The following MCPH1 variants were observed in gnomAD, a reference collection of about 807,000 sequenced individuals.
The protein encoded by MCPH1 is microcephalin.
In MCPH1, 104 loss-of-function variants were observed where a neutral mutation model predicts 84.5. The ratio of observed to expected loss-of-function variants is 1.23; its 90% CI spans 1.05 to 1.45. The LOEUF (loss-of-function observed/expected upper bound fraction) is 1.45, where lower values mean the gene tolerates loss of function less well. MCPH1 is among the 40% of genes most tolerant of loss of function. The pLI, the probability that MCPH1 is intolerant of heterozygous loss-of-function variation, is 0.00. For missense variants in MCPH1, 1,498 were observed against 1,005.7 expected, an observed-to-expected ratio of 1.49 and a Z score of -6.62; for synonymous variants, 514 against 366.8, an observed-to-expected ratio of 1.40 and a Z score of -4.58.
chr8:6,581,342 G>C (rs1827549834), intron 12 of MCPH1, among the ~76,000 whole-genome samples: 1 of 152,186 alleles, frequency 6.6e-6, no homozygotes, highest in Admixed American at 6.5e-5. Context: ...CATAAATGGG[G>C]ATGAATTTAC....
chr8:6,626,578 T>G (rs1832102928), intron 13 of MCPH1: 3 of 978,678 alleles, frequency 3.1e-6, no homozygotes, highest in Non-Finnish European at 3.6e-6. Flanking sequence ...CCCTAGGAAA[T>G]AAAATGTTAC....
At chr8:6,530,072 A>G (rs372489513) in intron 12 of MCPH1, among the ~76,000 whole-genome samples, 1 of 152,144 alleles carries the variant, frequency 6.6e-6, no homozygotes, top group South Asian at 2.1e-4. Context: ...TTAAAATATA[A>G]GAAATGTTGT....
intron 2 of MCPH1, among the ~76,000 whole-genome samples, 164 bp from the exon 3 acceptor site, chr8:6,414,601 G>T (rs1417439407): frequency 6.6e-6 from 1 of 152,180 alleles, no homozygotes; most frequent in Non-Finnish European, 1.5e-5. Context: ...ATTCACCGTT[G>T]TAACTGGAAC....
At chr8:6,503,800 G>A (rs2959793) in intron 12 of MCPH1, among the ~76,000 whole-genome samples, 49,943 of 152,080 alleles carry the variant, frequency 0.33, 8,559 homozygotes, top group Middle Eastern at 0.46. Context: ...GTGTGTGCTC[G>A]CTCAGCTAAA....
intron 12 of MCPH1, among the ~76,000 whole-genome samples, chr8:6,524,598 C>T (rs1479435276): frequency 1.3e-5 from 2 of 152,176 alleles, no homozygotes; most frequent in African/African-American, 2.4e-5. Context: ...TGAACACCTA[C>T]CATGTACGAG....
At chr8:6,609,149 T>C (rs1193505988) in intron 12 of MCPH1, among the ~76,000 whole-genome samples, 2 of 152,008 alleles carry the variant, frequency 1.3e-5, no homozygotes, top group African/African-American at 4.8e-5. Context: ...AATCAAAGTT[T>C]CTATAAGTTG....
chr8:6,414,922 T>C (rs749731200), intron 3 of MCPH1, 39 bp downstream of exon 3: 5 of 1,603,688 alleles, frequency 3.1e-6, no homozygotes, highest in Non-Finnish European at 3.4e-6. Context: ...CTTAAGTATC[T>C]AGTATTGAAA....
intron 13 of MCPH1, chr8:6,625,725 G>T: frequency 1.0e-6 from 1 of 976,296 alleles, no homozygotes; most frequent in Non-Finnish European, 1.2e-6. Context: ...TCAAGGCTGC[G>T]GTGAGCAACG....
intron 2 of MCPH1, among the ~76,000 whole-genome samples, chr8:6,413,588 G>A (rs1236959806): frequency 2.0e-5 from 3 of 151,556 alleles, no homozygotes; most frequent in African/African-American, 4.9e-5. Context: ...CCTGTTGTCC[G>A]TCTTCTGGTT....
intron 13 of MCPH1, among the ~76,000 whole-genome samples, chr8:6,632,331 G>A (rs549373903): frequency 6.6e-6 from 1 of 152,138 alleles, no homozygotes; most frequent in South Asian, 2.1e-4. Context: ...TAGCTAATAT[G>A]GTAAATTTTA....
intron 12 of MCPH1, among the ~76,000 whole-genome samples, chr8:6,504,024 T>C (rs564520573): frequency 6.6e-6 from 1 of 152,162 alleles, no homozygotes; most frequent in Admixed American, 6.5e-5. Context: ...TCTAGAAATA[T>C]TCTATAAGCA....
At chr8:6,603,648 C>G (rs1829539835) in intron 12 of MCPH1, among the ~76,000 whole-genome samples, 1 of 152,200 alleles carries the variant, frequency 6.6e-6, no homozygotes, top group Non-Finnish European at 1.5e-5. Context: ...TTCCTGCTTT[C>G]AGTAAGTTAC....
chr8:6,431,357 C>T, intron 3 of MCPH1, 142 bp from the exon 4 acceptor site: 9 of 645,830 alleles, frequency 1.4e-5, no homozygotes, highest in South Asian at 6.3e-5. Context: ...TTTGTATTTG[C>T]AGTTGTATTT....
chr8:6,601,650 C>G (rs796742647), intron 12 of MCPH1, among the ~76,000 whole-genome samples: 2 of 151,618 alleles, frequency 1.3e-5, no homozygotes, highest in African/African-American at 2.4e-5. Flanking sequence ...TACACATACA[C>G]ACAACACAGA....
chr8:6,531,775 C>T (rs904127567), intron 12 of MCPH1, among the ~76,000 whole-genome samples: 4 of 141,062 alleles, frequency 2.8e-5, no homozygotes, highest in African/African-American at 5.3e-5. Flanking sequence ...GGAGCCATGG[C>T]AGCGCTCAGG....
chr8:6,416,441 T>A (rs1799315850), intron 3 of MCPH1, among the ~76,000 whole-genome samples: 1 of 152,224 alleles, frequency 6.6e-6, no homozygotes, highest in South Asian at 2.1e-4. Context: ...ATGGTAACTG[T>A]GGTTTGTGTA....
At chr8:6,554,744 G>C (rs2515499) in intron 12 of MCPH1, among the ~76,000 whole-genome samples, 15,081 of 152,202 alleles carry the variant, frequency 0.099, 1,002 homozygotes, top group Non-Finnish European at 0.15. Context: ...ACCATCAGAG[G>C]AGCCCTCGGA....
chr8:6,439,662 G>T (rs1803220460), intron 6 of MCPH1, among the ~76,000 whole-genome samples: 1 of 152,074 alleles, frequency 6.6e-6, no homozygotes, highest in Non-Finnish European at 1.5e-5. Flanking sequence ...CTCCCAAACG[G>T]CTGGGACTGT....
At chr8:6,463,722 C>A (rs1170089117) in intron 9 of MCPH1, among the ~76,000 whole-genome samples, 5 of 152,106 alleles carry the variant, frequency 3.3e-5, no homozygotes, top group Non-Finnish European at 7.4e-5. Flanking sequence ...AATACTTGAG[C>A]CAATTTTCAT....
Sources: allele counts gnomAD v4.1 joint callset (sites outside exome capture counted in the v4.1 genomes callset), GRCh38; gene constraint gnomAD v4.1.1; transcripts MANE v1.5; gene names NCBI Gene and HGNC (gene_info 2026-07-23, HGNC 2026-07-21).